The following GLRA1 variants were observed in gnomAD, a reference collection of about 807,000 sequenced individuals.
GLRA1 encodes glycine receptor subunit alpha-1.
Under a neutral mutation model 48.3 loss-of-function variants are expected in GLRA1, and 37 were observed. The ratio of observed to expected loss-of-function variants is 0.77; its 90% CI spans 0.59 to 1.01. The LOEUF is 1.01. Among genes scored for constraint, GLRA1 ranks in the 50% least tolerant of loss-of-function variants. The pLI is 0.00. For synonymous variants in GLRA1, 196 were observed against 210.7 expected (o/e 0.93, Z 0.60); for missense variants, 427 against 571.0 (o/e 0.75, Z 2.57).
chr5:151,840,449 AAAGAT>A (rs1474187390), intron 7 of GLRA1, among the ~76,000 whole-genome samples: 2 of 152,156 alleles, frequency 1.3e-5, no homozygotes, highest in African/African-American at 2.4e-5. Flanking sequence ...AAGACACAAA[AAAGAT>A]AAGATATATA....
chr5:151,911,188 T>G (rs1417870141), intron 1 of GLRA1, among the ~76,000 whole-genome samples: 2 of 152,162 alleles, frequency 1.3e-5, no homozygotes, highest in African/African-American at 4.8e-5. Context: ...TTTGCCTCAC[T>G]CTCCTGATAC....
intron 3 of GLRA1, among the ~76,000 whole-genome samples, chr5:151,885,094 G>A (rs191586146): frequency 9.7e-4 from 147 of 152,298 alleles, no homozygotes; most frequent in African/African-American, 3.0e-3. Context: ...AACAGTCTTC[G>A]TGACCATATC....
At chr5:151,840,363 T>G (rs1763685394) in intron 7 of GLRA1, among the ~76,000 whole-genome samples, 1 of 152,118 alleles carries the variant, frequency 6.6e-6, no homozygotes, top group Non-Finnish European at 1.5e-5. Flanking sequence ...CCTCCCAAAG[T>G]GCTGGAATTA....
At chr5:151,849,381 C>CTTTCGTTTCCTTTCCTTTCCTTTCA (rs1561554954) in intron 7 of GLRA1, among the ~76,000 whole-genome samples, 60 of 4,800 alleles carry the variant, frequency 0.013, 19 homozygotes, top group African/African-American at 0.06. Flanking sequence ...CTTTCGTTTC[C>CTTTCGTTTCCTTTCCTTTCCTTTCA]TTTCCTTTCC....
At chr5:151,881,735 C>T (rs749613520) in intron 3 of GLRA1, among the ~76,000 whole-genome samples, 5 of 152,130 alleles carry the variant, frequency 3.3e-5, no homozygotes, top group Non-Finnish European at 7.4e-5. Flanking sequence ...AGTCTCAGCC[C>T]TCTCCTTGTC....
intron 3 of GLRA1, among the ~76,000 whole-genome samples, chr5:151,881,158 C>T (rs1398254758): frequency 6.6e-6 from 1 of 152,182 alleles, no homozygotes; most frequent in African/African-American, 2.4e-5. Flanking sequence ...ATACATACTA[C>T]ACAGATCCAT....
chr5:151,872,671 A>G (rs1028551134), intron 3 of GLRA1, among the ~76,000 whole-genome samples: 1 of 149,968 alleles, frequency 6.7e-6, no homozygotes, highest in East Asian at 1.9e-4. Flanking sequence ...ATACTGTGAA[A>G]TGATGATGTC....
chr5:151,861,327 A>G (rs1471000282), intron 3 of GLRA1, among the ~76,000 whole-genome samples: 4 of 151,994 alleles, frequency 2.6e-5, no homozygotes, highest in Admixed American at 6.6e-5. Flanking sequence ...GGTTGAACTA[A>G]TTTACAGTCC....
chr5:151,895,849 A>G (rs1754215369), intron 1 of GLRA1, among the ~76,000 whole-genome samples: 1 of 152,146 alleles, frequency 6.6e-6, no homozygotes, highest in South Asian at 2.1e-4. Context: ...GACCACAGGC[A>G]CGCAACTAGT....
At chr5:151,895,418 A>G (rs977010414) in intron 1 of GLRA1, among the ~76,000 whole-genome samples, 2 of 152,188 alleles carry the variant, frequency 1.3e-5, no homozygotes, top group Non-Finnish European at 2.9e-5. Context: ...AAAAGAACAG[A>G]TGATTTGGAA....
chr5:151,822,675 A>G lies in GLRA1; in HGVS notation c.1348T>C (p.Ter450ArgextTer3), dbSNP rs1295116612. 6.2e-7 allele frequency: 1 copy of G among 1,608,752 alleles called. No individual in the cohort carries two copies. The highest frequency in any genetic ancestry group is 1.3e-5 in the African/African-American group (1 of 74,572). Residue 450 changes from the stop codon to arginine (R), a stop_lost, in exon 9 of 9, where the codon TGA becomes CGA. Coordinates refer to ENST00000274576, the MANE Select transcript of GLRA1 (RefSeq NM_000171.4). Reference sequence around the variant, plus strand: ...CCTCCCCCAACCTTTCAGACCCTTCACTGGTTGTGGACGTCCTCTCTACGG... The same window carrying G: ...CCTCCCCCAACCTTTCAGACCCTTCGCTGGTTGTGGACGTCCTCTCTACGG... ...IVRREDVHNQ* is the reference protein window; with the variant it reads ...IVRREDVHNQR
At chr5:151,893,360 C>CTTTCTTTCTTTCT (rs1754147012) in intron 1 of GLRA1, among the ~76,000 whole-genome samples, 1 of 97,038 alleles carries the variant, frequency 1.0e-5, no homozygotes. Flanking sequence ...TTCTTTCTTT[C>CTTTCTTTCTTTCT]ATTTTAGTTC....
chr5:151,889,105 A>G (rs1377246743), intron 2 of GLRA1, among the ~76,000 whole-genome samples: 1 of 152,212 alleles, frequency 6.6e-6, no homozygotes, highest in African/African-American at 2.4e-5. Flanking sequence ...TGTGACTCCC[A>G]TATAAATTAG....
intron 3 of GLRA1, among the ~76,000 whole-genome samples, chr5:151,883,962 G>A (rs1391071058): frequency 6.6e-6 from 1 of 152,130 alleles, no homozygotes; most frequent in African/African-American, 2.4e-5. Context: ...TTGTGGAGGT[G>A]GGAGTGGAGA....
In GLRA1 at chr5:151,924,648, C is replaced by A. The variant is rs867092651; in HGVS notation, c.-99G>T. 2.4e-6 allele frequency: 2 copies of A among 817,038 alleles called. No individual in the cohort carries two copies. The highest frequency in any genetic ancestry group is 4.4e-4 in the Middle Eastern group (2 of 4,506). 50.6% of individuals were successfully genotyped at this position (817,038 alleles called of 1,614,324 possible). The stretch of plus-strand genomic sequence containing the variant: ...AGAAAGCGCTATTGCAAAAAATAAT[C>A]CAGATGTTAAAGGGAGGCGGGGAAC... On this transcript the variant is annotated 5_prime_UTR_variant, in exon 1 of 9. Coordinates refer to ENST00000274576, the MANE Select transcript of GLRA1 (RefSeq NM_000171.4).
At chr5:151,849,019 G>A (rs1018962672) in intron 7 of GLRA1, 7 of 633,398 alleles carry the variant, frequency 1.1e-5, no homozygotes, top group African/African-American at 1.1e-4. Flanking sequence ...GCAAGACCCA[G>A]ACTCTGGACA....
At chr5:151,859,744 A>G (rs1318642070) in intron 4 of GLRA1, 41 bp downstream of exon 4, 2 of 1,394,434 alleles carry the variant, frequency 1.4e-6, no homozygotes, top group Non-Finnish European at 2.0e-6. Flanking sequence ...GGGGCAAGAC[A>G]TGTTCTGAGC....
intron 7 of GLRA1, among the ~76,000 whole-genome samples, chr5:151,831,514 A>G (rs990583439): frequency 6.6e-6 from 1 of 152,324 alleles, no homozygotes; most frequent in Admixed American, 6.5e-5. Context: ...TCCCCCTCAC[A>G]GTGTAAACAA....
At chr5:151,892,460 C>T (rs748833912) in intron 1 of GLRA1, 22 bp from the exon 2 acceptor site, 1 of 1,613,468 alleles carries the variant, frequency 6.2e-7, no homozygotes, top group Non-Finnish European at 8.5e-7. Context: ...GAGAGGAGAG[C>T]AAAAGGTTAA....
Sources: allele counts gnomAD v4.1 joint callset (sites outside exome capture counted in the v4.1 genomes callset), GRCh38; gene constraint gnomAD v4.1.1; transcripts MANE v1.5; gene names NCBI Gene and HGNC (gene_info 2026-07-23, HGNC 2026-07-21).